The following EPHA6 variants were observed in gnomAD, a reference collection of about 807,000 sequenced individuals.
The protein encoded by EPHA6 is EPH receptor A6.
A neutral mutation model predicts 112.0 loss-of-function variants in EPHA6; 50 were observed. The ratio of observed to expected loss-of-function variants is 0.45; its 90% CI spans 0.36 to 0.56. The LOEUF is 0.56. EPHA6 is among the 20% of genes least tolerant of loss of function. The pLI, the probability that EPHA6 is intolerant of heterozygous loss-of-function variation, is 0.00. For synonymous variants in EPHA6, 529 were observed against 490.7 expected, an observed-to-expected ratio of 1.08 and a Z score of -1.03; for missense variants, 1,280 against 1,417.4, an observed-to-expected ratio of 0.90 and a Z score of 1.56.
intron 2 of EPHA6, among the ~76,000 whole-genome samples, chr3:96,899,045 C>CA (rs1285737799): frequency 1.5e-4 from 22 of 144,414 alleles, no homozygotes; most frequent in African/African-American, 6.0e-4. Flanking sequence ...AAAACAAAAA[C>CA]AAACAAACAA....
chr3:96,979,103 C>A (rs1175040979), intron 2 of EPHA6, among the ~76,000 whole-genome samples: 1 of 151,948 alleles, frequency 6.6e-6, no homozygotes, highest in African/African-American at 2.4e-5. Context: ...TACATGTGCA[C>A]AACGTGCAGG....
At chr3:97,021,336 C>T (rs2044451775) in intron 3 of EPHA6, among the ~76,000 whole-genome samples, 1 of 152,168 alleles carries the variant, frequency 6.6e-6, no homozygotes, top group Admixed American at 6.5e-5. Flanking sequence ...CTTCTCCTTC[C>T]AGGATCTAGC....
intron 5 of EPHA6, among the ~76,000 whole-genome samples, chr3:97,329,243 T>A (rs916339915): frequency 6.6e-6 from 1 of 151,576 alleles, no homozygotes; most frequent in African/African-American, 2.4e-5. Context: ...TGGTTCCAAG[T>A]CTTTGCTATT....
chr3:97,061,852 A>G (rs534839691), intron 3 of EPHA6, among the ~76,000 whole-genome samples: 8 of 152,304 alleles, frequency 5.3e-5, no homozygotes, highest in Admixed American at 4.6e-4. Context: ...TGCTGGAAAT[A>G]CAGACATAAA....
At chr3:97,665,097 C>T (rs1314320465) in intron 14 of EPHA6, among the ~76,000 whole-genome samples, 2 of 152,212 alleles carry the variant, frequency 1.3e-5, no homozygotes, top group South Asian at 2.1e-4. Flanking sequence ...ACCAAAACAG[C>T]ATGGTACTGG....
chr3:97,333,530 G>C (rs1210161327), intron 5 of EPHA6, among the ~76,000 whole-genome samples: 2 of 146,760 alleles, frequency 1.4e-5, no homozygotes, highest in African/African-American at 5.1e-5. Flanking sequence ...CTGGAGTGCG[G>C]TGGTGCAATC....
intron 1 of EPHA6, among the ~76,000 whole-genome samples, chr3:96,832,223 C>T (rs2034129029): frequency 1.3e-5 from 2 of 151,932 alleles, no homozygotes; most frequent in East Asian, 1.9e-4. Flanking sequence ...TTTAAAAACT[C>T]GATTTAGAAG....
At chr3:97,096,919 G>C (rs1174398822) in intron 3 of EPHA6, among the ~76,000 whole-genome samples, 1 of 151,614 alleles carries the variant, frequency 6.6e-6, no homozygotes, top group South Asian at 2.1e-4. Context: ...AAGTAACTCA[G>C]TGTTAAATGC....
chr3:97,401,486 C>G (rs908527174), intron 5 of EPHA6, among the ~76,000 whole-genome samples: 2 of 151,756 alleles, frequency 1.3e-5, no homozygotes, highest in Non-Finnish European at 3.0e-5. Flanking sequence ...ATAACAGTCT[C>G]TAATGATCCT....
In EPHA6 at chr3:96,872,397, T is replaced by A. The variant is rs1423350424; in HGVS notation, c.450+5508T>A. On this transcript the variant is annotated intron_variant, in intron 2 of 17. Transcript: ENST00000389672. ...GCCTCCTGTGTTTATGGAGGGTGGC[T>A]TCCAAAGTTGCTGTCTCCTCTCCTC... Among the ~76,000 whole-genome samples, 3 of 152,094 alleles carry A rather than the reference T, an allele frequency of 2.0e-5. No homozygotes were observed. In the East Asian group the frequency reaches 5.8e-4, roughly 29 times the overall value.
chr3:97,511,860 A>G (rs772896954), intron 10 of EPHA6, among the ~76,000 whole-genome samples: 25 of 152,078 alleles, frequency 1.6e-4, no homozygotes, highest in Non-Finnish European at 2.4e-4. Context: ...TAGTCCTAAC[A>G]TATTTTTTTT....
chr3:97,501,597 G>C (rs895826480), intron 10 of EPHA6, among the ~76,000 whole-genome samples: 2 of 151,690 alleles, frequency 1.3e-5, no homozygotes, highest in Admixed American at 6.6e-5. Flanking sequence ...TAACTCATGG[G>C]TTATTTTAAT....
chr3:97,222,429 A>G (rs1346011242), intron 3 of EPHA6, among the ~76,000 whole-genome samples: 2 of 152,192 alleles, frequency 1.3e-5, no homozygotes, highest in Non-Finnish European at 2.9e-5. Flanking sequence ...GAAATCAGGG[A>G]TAGTTGAAAG....
chr3:97,547,785 C>G (rs2092974875), intron 11 of EPHA6, among the ~76,000 whole-genome samples: 1 of 152,192 alleles, frequency 6.6e-6, no homozygotes, highest in African/African-American at 2.4e-5. Flanking sequence ...CCTCCCCCAG[C>G]CTCACTGCCG....
At chr3:97,060,022 G>A (rs900650743) in intron 3 of EPHA6, among the ~76,000 whole-genome samples, 8 of 152,058 alleles carry the variant, frequency 5.3e-5, no homozygotes, top group Non-Finnish European at 1.2e-4. Flanking sequence ...TTGGGAGGCT[G>A]AGGCAGAAGA....
chr3:97,398,552 G>A (rs1296223865), intron 5 of EPHA6, among the ~76,000 whole-genome samples: 5 of 150,918 alleles, frequency 3.3e-5, no homozygotes, highest in African/African-American at 1.2e-4. Context: ...AAGTTGAACT[G>A]GATACAACTT....
chr3:97,667,106 TGC>T (rs1466983090), intron 14 of EPHA6, among the ~76,000 whole-genome samples: 3 of 152,240 alleles, frequency 2.0e-5, no homozygotes, highest in Admixed American at 6.5e-5. Flanking sequence ...GACTTACAAA[TGC>T]CAGGTTTATT....
chr3:97,427,466 A>C (rs1160033879), intron 6 of EPHA6, among the ~76,000 whole-genome samples: 1 of 152,176 alleles, frequency 6.6e-6, no homozygotes, highest in Non-Finnish European at 1.5e-5. Flanking sequence ...GCATGTTCTC[A>C]CTTATAAGTG....
intron 6 of EPHA6, among the ~76,000 whole-genome samples, chr3:97,446,019 A>T (rs1199386136): frequency 1.3e-5 from 2 of 152,196 alleles, no homozygotes; most frequent in African/African-American, 2.4e-5. Flanking sequence ...CTCTGTGGCA[A>T]AGCCTGGTCG....
Sources: gnomAD v4.1 joint callset for allele counts (sites outside exome capture counted in the v4.1 genomes callset) on GRCh38, gnomAD v4.1.1 for gene constraint, MANE v1.5 for transcripts, NCBI Gene and HGNC (gene_info 2026-07-23, HGNC 2026-07-21) for gene names.